Variants in AFG2A observed in about 807,000 individuals in gnomAD.
AFG2A encodes ATPase family gene 2 protein homolog A.
chr4:123,181,615 G>A, the AFG2A span, among the ~76,000 whole-genome samples: 11 of 151,912 alleles, frequency 7.2e-5, no homozygotes, highest in African/African-American at 1.2e-4. Context: ...AAAGAAAATA[G>A]TAATAATAAA....
the AFG2A span, among the ~76,000 whole-genome samples, chr4:123,181,136 C>T: frequency 6.6e-6 from 1 of 152,060 alleles, no homozygotes; most frequent in Admixed American, 6.5e-5. Context: ...AGGCACCCGC[C>T]ACCGCGCCTG....
chr4:123,230,653 T>G, the AFG2A span, among the ~76,000 whole-genome samples: 1 of 152,004 alleles, frequency 6.6e-6, no homozygotes, highest in South Asian at 2.1e-4. Flanking sequence ...TCTAGAATAG[T>G]GAATCCTTTC....
the AFG2A span, among the ~76,000 whole-genome samples, chr4:123,047,678 A>G: frequency 6.7e-6 from 1 of 149,060 alleles, no homozygotes; most frequent in South Asian, 2.1e-4. Context: ...GTAGTTTCAT[A>G]GATTCAGGTC....
At chr4:122,939,100 T>G in the AFG2A span, among the ~76,000 whole-genome samples, 3 of 112,594 alleles carry the variant, frequency 2.7e-5, no homozygotes, top group South Asian at 2.7e-4. Flanking sequence ...TTTTTTTTTT[T>G]TGGAGACAGA....
At chr4:123,211,556 T>C in the AFG2A span, among the ~76,000 whole-genome samples, 1 of 152,192 alleles carries the variant, frequency 6.6e-6, no homozygotes, top group African/African-American at 2.4e-5. Flanking sequence ...CACCCTATTA[T>C]ATGTGAATTG....
At chr4:122,947,283 T>C in the AFG2A span, 19 of 1,612,396 alleles carry the variant, frequency 1.2e-5, no homozygotes, top group South Asian at 2.2e-5. Flanking sequence ...ATCGCCCTCA[T>C]GCCTTGGATG....
chr4:123,256,048 C>G, the AFG2A span: 1 of 1,614,010 alleles, frequency 6.2e-7, no homozygotes, highest in South Asian at 1.1e-5. Flanking sequence ...TTGATAGAAT[C>G]ATCTATGTGC....
the AFG2A span, among the ~76,000 whole-genome samples, chr4:123,073,252 A>T: frequency 6.6e-6 from 1 of 151,878 alleles, no homozygotes; most frequent in Admixed American, 6.6e-5. Context: ...TAAGGAAATG[A>T]TGTTAAAACA....
the AFG2A span, among the ~76,000 whole-genome samples, chr4:123,035,573 T>G: frequency 3.3e-5 from 5 of 152,170 alleles, no homozygotes; most frequent in African/African-American, 1.2e-4. Context: ...CCATTGTCAG[T>G]TTTACAAGGT....
chr4:123,285,032 C>T, the AFG2A span, among the ~76,000 whole-genome samples: 26,018 of 152,020 alleles, frequency 0.17, 2,653 homozygotes, highest in African/African-American at 0.28. Flanking sequence ...CTTTTTACCA[C>T]CAAAGTTCTT....
the AFG2A span, among the ~76,000 whole-genome samples, chr4:123,298,919 C>T: frequency 4.6e-5 from 7 of 152,076 alleles, no homozygotes; most frequent in Non-Finnish European, 1.0e-4. Flanking sequence ...TGTAAAATCT[C>T]GTTTTATTAC....
the AFG2A span, chr4:123,102,058 AT>A: frequency 6.6e-6 from 1 of 151,946 alleles, no homozygotes; most frequent in Non-Finnish European, 1.5e-5. Context: ...AAGCTCTACA[AT>A]TATCTTCTTT....
chr4:123,212,018 A>T, the AFG2A span, among the ~76,000 whole-genome samples: 1 of 152,156 alleles, frequency 6.6e-6, no homozygotes, highest in Admixed American at 6.6e-5. Flanking sequence ...TTTGGTTTTT[A>T]CATACACATT....
At chr4:123,302,423 T>TA in the AFG2A span, among the ~76,000 whole-genome samples, 21 of 152,196 alleles carry the variant, frequency 1.4e-4, 1 homozygote, top group Non-Finnish European at 2.9e-4. Flanking sequence ...CTGTGCCTGA[T>TA]ACGTTTTTGC....
the AFG2A span, among the ~76,000 whole-genome samples, chr4:122,983,700 T>G: frequency 6.6e-6 from 1 of 152,218 alleles, no homozygotes; most frequent in Non-Finnish European, 1.5e-5. Flanking sequence ...CTTAAACTTT[T>G]TAGACTTGTT....
chr4:123,256,502 A>G, the AFG2A span, among the ~76,000 whole-genome samples: 122 of 152,294 alleles, frequency 8.0e-4, 1 homozygote, highest in Middle Eastern at 0.01. Flanking sequence ...AACCAATCAC[A>G]CACTTCTCTA....
the AFG2A span, among the ~76,000 whole-genome samples, chr4:122,932,177 A>G: frequency 7.2e-5 from 11 of 151,814 alleles, no homozygotes; most frequent in Admixed American, 5.3e-4. Context: ...CCAGAGGCTG[A>G]GGTGGGAGGA....
chr4:123,000,992 G>A, the AFG2A span, among the ~76,000 whole-genome samples: 3 of 126,312 alleles, frequency 2.4e-5, no homozygotes, highest in Non-Finnish European at 3.4e-5. Flanking sequence ...TCCTGTTATT[G>A]GTCTATTCAG....
the AFG2A span, among the ~76,000 whole-genome samples, chr4:123,249,652 T>C: frequency 6.6e-6 from 1 of 152,190 alleles, no homozygotes; most frequent in Non-Finnish European, 1.5e-5. Flanking sequence ...TAAACATTTA[T>C]TGGGTGCCTT....
Sources: allele counts gnomAD v4.1 joint callset (sites outside exome capture counted in the v4.1 genomes callset), GRCh38; gene constraint gnomAD v4.1.1; transcripts MANE v1.5; gene names NCBI Gene and HGNC (gene_info 2026-07-23, HGNC 2026-07-21).